The following MTMR1 variants were observed in gnomAD, a reference collection of about 807,000 sequenced individuals.
MTMR1 encodes myotubularin related protein 1.
MTMR1 carries 17 observed loss-of-function variants against 51.6 expected under a neutral mutation model. The observed-to-expected ratio is 0.33, with a 90% CI of 0.23 to 0.49. The LOEUF is 0.49. Among genes scored for constraint, MTMR1 ranks in the 20% least tolerant of loss-of-function variants. The pLI is 0.99. For missense variants in MTMR1, 386 were observed against 526.9 expected, an observed-to-expected ratio of 0.73 and a Z score of 2.62; for synonymous variants, 201 against 205.6, an observed-to-expected ratio of 0.98 and a Z score of 0.19.
chrX:150,724,982 G>A (rs2041882587), intron 4 of MTMR1, among the ~76,000 whole-genome samples: 1 of 111,743 alleles, frequency 8.9e-6, no homozygotes, highest in South Asian at 3.8e-4. Context: ...GGTTACTGTG[G>A]GCCTGTAGTA....
rs782326539 is a variant in MTMR1, at chrX:150,693,540, CCGGCGGCGG to C, written c.23_31del (p.Ala8_Ala10del). The stretch of plus-strand genomic sequence containing the variant: ...CAGGACTCGGCGCGCCATGGACAGG[CCGGCGGCGG>C]CGGCGGCGGCGGGCTGCGAGGGCGG... On this transcript the variant is annotated inframe_deletion, in exon 1 of 16. Transcript: ENST00000445323. The C allele has an allele frequency of 5.7e-5, 43 of 757,413 alleles. No individual in the cohort carries two copies. The East Asian group carries it at 8.8e-4, about 16-fold the overall frequency. The allele number at this position is 757,413 out of a possible 1,213,427, so 62.4% of individuals were successfully genotyped here.
intron 7 of MTMR1, 80 bp downstream of exon 7, chrX:150,730,290 G>A (rs781799968): frequency 1.3e-6 from 1 of 744,603 alleles, no homozygotes; most frequent in African/African-American, 2.2e-5. Context: ...CCTTTTTCCA[G>A]AGGTTTTTTT....
In MTMR1 at chrX:150,727,802, A is replaced by G. The variant is rs782168718; in HGVS notation, c.555+11A>G. 9.5e-6 allele frequency: 11 copies of G among 1,158,879 alleles called. No individual in the cohort carries two copies. Among genetic ancestry groups the G allele is most frequent in the Non-Finnish European group, 1.3e-5 (11 of 852,886 alleles). ...GAGATAGTGTGCAAGGTATAATAGAAACGCCAAGTGAAAACTAAAAGAGGG... is the reference window on the plus strand; with the variant it reads ...GAGATAGTGTGCAAGGTATAATAGAGACGCCAAGTGAAAACTAAAAGAGGG... On this transcript the variant is annotated intron_variant, in intron 6 of 15. Coordinates refer to ENST00000445323, the MANE Select transcript of MTMR1 (RefSeq NM_001306144.3).
At chrX:150,744,478 A>G in intron 13 of MTMR1, 25 bp downstream of exon 13, 2 of 1,098,649 alleles carry the variant, frequency 1.8e-6, no homozygotes, top group Non-Finnish European at 2.5e-6. Flanking sequence ...GTATATTTCT[A>G]TATAGTCTTT....
intron 12 of MTMR1, among the ~76,000 whole-genome samples, chrX:150,743,388 G>A (rs888516791): frequency 3.0e-4 from 33 of 111,607 alleles, no homozygotes; most frequent in Admixed American, 2.7e-3. Context: ...GTGACAGAGC[G>A]AGGCCCTGTC....
intron 12 of MTMR1, among the ~76,000 whole-genome samples, chrX:150,737,925 G>A (rs1315877913): frequency 1.8e-5 from 2 of 111,330 alleles, no homozygotes; most frequent in East Asian, 5.6e-4. Context: ...AAATTAGCCA[G>A]ATGTGTTAGC....
intron 8 of MTMR1, 106 bp from the exon 9 acceptor site, chrX:150,731,364 C>A: frequency 1.5e-6 from 1 of 667,445 alleles, no homozygotes. Context: ...AAATTATAAA[C>A]GGATTTTAGT....
chrX:150,695,912 G>A (rs2040654745), intron 1 of MTMR1, among the ~76,000 whole-genome samples: 1 of 111,833 alleles, frequency 8.9e-6, no homozygotes, highest in East Asian at 2.8e-4. Flanking sequence ...ACCCGACATG[G>A]TGAGCATTCA....
chrX:150,705,885 G>A (rs2041084484), intron 2 of MTMR1, among the ~76,000 whole-genome samples: 1 of 112,207 alleles, frequency 8.9e-6, no homozygotes, highest in Non-Finnish European at 1.9e-5. Context: ...GCATTTCTAT[G>A]TACTAGCAAC....
chrX:150,729,556 T>C (rs1321059024), intron 6 of MTMR1, among the ~76,000 whole-genome samples: 1 of 111,828 alleles, frequency 8.9e-6, no homozygotes, highest in Non-Finnish European at 1.9e-5. Flanking sequence ...ACAGGTGATA[T>C]ACAATTCAAA....
At chrX:150,708,148 A>T (rs1232656289) in intron 2 of MTMR1, among the ~76,000 whole-genome samples, 3 of 111,936 alleles carry the variant, frequency 2.7e-5, no homozygotes, top group African/African-American at 9.8e-5. Context: ...ATTTTTCTGC[A>T]TCTTGATTGT....
intron 4 of MTMR1, among the ~76,000 whole-genome samples, chrX:150,724,358 TC>T (rs781837317): frequency 8.9e-6 from 1 of 111,849 alleles, no homozygotes; most frequent in East Asian, 2.8e-4. Context: ...AGCTTTTTTT[TC>T]ATATGCTTAT....
intron 14 of MTMR1, among the ~76,000 whole-genome samples, chrX:150,752,827 G>A (rs922965501): frequency 1.4e-4 from 15 of 110,017 alleles, no homozygotes; most frequent in Admixed American, 6.8e-4. Context: ...TTTTTGTAGC[G>A]ATTGGGGTCT....
Position 150,755,670 on chromosome X carries a change from GTTC to G in MTMR1, c.1681-16_1681-14del. On this transcript the variant is annotated splice_polypyrimidine_tract_variant and intron_variant, in intron 14 of 15. Transcript: ENST00000445323. ...ATATGAAGAAAAGTTTATTTCCAAT[GTTC>G]TTTTTTGTTTTTCAGGATGTATATA... The G allele has an allele frequency of 8.9e-7, 1 of 1,123,307 alleles. No individual in the cohort carries two copies. Among genetic ancestry groups the G allele is most frequent in the Non-Finnish European group, 1.2e-6 (1 of 841,595 alleles). 92.6% of individuals were successfully genotyped at this position (1,123,307 alleles called of 1,213,427 possible).
chrX:150,740,864 G>T (rs2042403944), intron 12 of MTMR1, among the ~76,000 whole-genome samples: 1 of 109,798 alleles, frequency 9.1e-6, no homozygotes, highest in Non-Finnish European at 1.9e-5. Context: ...AGGGGAGAGG[G>T]TGCCAGGCCC....
At chrX:150,701,978 A>C in intron 2 of MTMR1, among the ~76,000 whole-genome samples, 1 of 111,847 alleles carries the variant, frequency 8.9e-6, no homozygotes, top group Non-Finnish European at 1.9e-5. Context: ...ATTTGAACTC[A>C]AGTCATCCTA....
intron 4 of MTMR1, 23 bp from the exon 5 acceptor site, chrX:150,727,192 C>G (rs373910987): frequency 2.2e-5 from 24 of 1,076,289 alleles, no homozygotes; most frequent in Non-Finnish European, 3.0e-5. Context: ...GCAGTAGTTG[C>G]TACTTTGGCC....
At chrX:150,718,468 T>C (rs1449311326) in intron 3 of MTMR1, among the ~76,000 whole-genome samples, 157 bp from the exon 4 acceptor site, 2 of 111,335 alleles carry the variant, frequency 1.8e-5, no homozygotes, top group African/African-American at 3.3e-5. Flanking sequence ...TTTTAAGTTG[T>C]CTTTGAAGGG....
At chrX:150,697,816 A>G (rs1557415783) in intron 1 of MTMR1, among the ~76,000 whole-genome samples, 1 of 112,085 alleles carries the variant, frequency 8.9e-6, no homozygotes. Context: ...GTTTTCATGT[A>G]AAGCGGTTGG....
Sources: allele counts gnomAD v4.1 joint callset (sites outside exome capture counted in the v4.1 genomes callset), GRCh38; gene constraint gnomAD v4.1.1; transcripts MANE v1.5; gene names NCBI Gene and HGNC (gene_info 2026-07-23, HGNC 2026-07-21).